The following SHANK2 variants were observed in gnomAD, a reference collection of about 807,000 sequenced individuals.
The protein encoded by SHANK2 is SH3 and multiple ankyrin repeat domains protein 2.
A neutral mutation model predicts 133.7 loss-of-function variants in SHANK2; 43 were observed. That is an observed-to-expected ratio of 0.32 (90% CI 0.25 to 0.41). The LOEUF (loss-of-function observed/expected upper bound fraction) is 0.41. SHANK2 is among the 10% of genes least tolerant of loss of function. The probability of loss-of-function intolerance (pLI) is 1.00; values close to 1 mark genes in which losing one functional copy is unlikely to be tolerated. For missense variants in SHANK2, 1,994 were observed against 2,235.8 expected (o/e 0.89, Z 2.18); for synonymous variants, 1,017 against 952.8 (o/e 1.07, Z -1.24).
chr11:70,817,205 T>C (rs777177041), intron 12 of SHANK2, among the ~76,000 whole-genome samples: 1 of 152,148 alleles, frequency 6.6e-6, no homozygotes, highest in Non-Finnish European at 1.5e-5. Flanking sequence ...TGCTGTCCCA[T>C]AGGAGGGGAC....
chr11:70,947,014 C>T lies in SHANK2; in HGVS notation c.1108-50447G>A, dbSNP rs1028374367. ...AGGCTCAACCTCCCTCTCCGCTAAC[C>T]AACCCTTCCCAGGCTCAACCTCCCT... On this transcript the variant is annotated intron_variant, in intron 10 of 25. Transcript: ENST00000601538. Among the ~76,000 whole-genome samples the T allele has an allele frequency of 2.0e-5, 3 of 151,826 alleles. No homozygotes were observed. The East Asian group carries it at 5.8e-4, about 29-fold the overall frequency.
chr11:70,622,298 A>G (rs934311036), intron 17 of SHANK2, among the ~76,000 whole-genome samples: 1 of 152,124 alleles, frequency 6.6e-6, no homozygotes, highest in Non-Finnish European at 1.5e-5. Context: ...GGAAGAGCCC[A>G]GGACTCAACT....
intron 14 of SHANK2, among the ~76,000 whole-genome samples, chr11:70,759,532 G>C (rs1183214981): frequency 6.6e-6 from 1 of 152,148 alleles, no homozygotes; most frequent in African/African-American, 2.4e-5. Context: ...GATGGGACAG[G>C]AGGTTGGGCA....
chr11:71,210,210 GTATATA>G (rs71049962), intron 2 of SHANK2, among the ~76,000 whole-genome samples: 3,300 of 53,754 alleles, frequency 0.061, 131 homozygotes, highest in Non-Finnish European at 0.072. Flanking sequence ...AAATCCACAG[GTATATA>G]TATATATATA....
At chr11:71,083,376 G>A (rs966594821) in intron 8 of SHANK2, among the ~76,000 whole-genome samples, 9 of 152,136 alleles carry the variant, frequency 5.9e-5, no homozygotes, top group East Asian at 3.8e-4. Flanking sequence ...GGTCTATGCC[G>A]GGCACTGCAG....
intron 10 of SHANK2, among the ~76,000 whole-genome samples, chr11:70,930,660 TTTTTTTTTTC>T (rs1214033914): frequency 7.3e-5 from 8 of 110,308 alleles, no homozygotes; most frequent in African/African-American, 1.3e-4. Flanking sequence ...TTTCTTTGTC[TTTTTTTTTTC>T]TTTTTTTTTT....
chr11:71,099,203 A>C (rs1049375056), intron 6 of SHANK2, among the ~76,000 whole-genome samples: 11 of 152,132 alleles, frequency 7.2e-5, no homozygotes, highest in Middle Eastern at 6.8e-3. Context: ...CAGGGAGACG[A>C]ATGAGGGAAT....
At chr11:71,176,405 G>A (rs75482870) in intron 2 of SHANK2, among the ~76,000 whole-genome samples, 3 of 152,248 alleles carry the variant, frequency 2.0e-5, no homozygotes, top group Non-Finnish European at 2.9e-5. Flanking sequence ...GACCCATAAT[G>A]AGGAAAATAA....
At chr11:70,798,806 A>G (rs1947978428) in intron 13 of SHANK2, among the ~76,000 whole-genome samples, 1 of 152,200 alleles carries the variant, frequency 6.6e-6, no homozygotes, top group Non-Finnish European at 1.5e-5. Context: ...AAGCACTGAC[A>G]TGTTTGCATC....
intron 11 of SHANK2, among the ~76,000 whole-genome samples, chr11:70,837,300 C>G (rs1948833989): frequency 6.6e-6 from 1 of 152,176 alleles, no homozygotes; most frequent in South Asian, 2.1e-4. Context: ...GATGCTCCCT[C>G]ACCCACACGG....
chr11:71,159,958 G>A (rs1590972463), intron 2 of SHANK2, among the ~76,000 whole-genome samples: 1 of 135,232 alleles, frequency 7.4e-6, no homozygotes, highest in East Asian at 2.1e-4. Flanking sequence ...CTGCACTCCA[G>A]CCTGGGTGGC....
chr11:70,491,459 A>G (rs1565534136), intron 22 of SHANK2, among the ~76,000 whole-genome samples: 1 of 152,204 alleles, frequency 6.6e-6, no homozygotes, highest in Non-Finnish European at 1.5e-5. Flanking sequence ...TTCAGAGGTG[A>G]TGGGAGGAGG....
intron 14 of SHANK2, among the ~76,000 whole-genome samples, chr11:70,797,928 G>A (rs1158473981): frequency 8.0e-5 from 12 of 150,004 alleles, no homozygotes; most frequent in East Asian, 3.9e-4. Context: ...TCAATCTCTC[G>A]GCAATCAATT....
intron 17 of SHANK2, among the ~76,000 whole-genome samples, chr11:70,624,785 C>T (rs1353589233): frequency 6.6e-6 from 1 of 152,168 alleles, no homozygotes; most frequent in Non-Finnish European, 1.5e-5. Flanking sequence ...CTGCTAGAAA[C>T]GTCCCCGGTG....
intron 14 of SHANK2, among the ~76,000 whole-genome samples, chr11:70,794,024 T>C (rs1947853732): frequency 6.6e-6 from 1 of 152,220 alleles, no homozygotes; most frequent in Admixed American, 6.5e-5. Context: ...ATCATGCCTG[T>C]AATCCCAGCA....
At chr11:70,688,055 GC>G (rs1438528727) in intron 15 of SHANK2, among the ~76,000 whole-genome samples, 4 of 152,194 alleles carry the variant, frequency 2.6e-5, no homozygotes, top group Non-Finnish European at 4.4e-5. Flanking sequence ...TTCCTGCCTG[GC>G]CCCACAGAAA....
At chr11:70,895,228 G>A (rs981110846) in intron 11 of SHANK2, among the ~76,000 whole-genome samples, 7 of 152,286 alleles carry the variant, frequency 4.6e-5, no homozygotes, top group African/African-American at 9.6e-5. Flanking sequence ...GGTAGGTACC[G>A]GCCGTGGTTG....
intron 11 of SHANK2, among the ~76,000 whole-genome samples, chr11:70,880,003 C>T (rs1949634035): frequency 6.6e-6 from 1 of 152,230 alleles, no homozygotes; most frequent in South Asian, 2.1e-4. Context: ...CTGTGCTGTG[C>T]TGTGGCCCAC....
chr11:70,747,837 G>A (rs561247093), intron 14 of SHANK2, among the ~76,000 whole-genome samples: 13 of 152,304 alleles, frequency 8.5e-5, no homozygotes, highest in African/African-American at 1.9e-4. Flanking sequence ...CATGCTGCAC[G>A]GTGCATGTAT....
Sources: gnomAD v4.1 joint callset for allele counts (sites outside exome capture counted in the v4.1 genomes callset) on GRCh38, gnomAD v4.1.1 for gene constraint, MANE v1.5 for transcripts, NCBI Gene and HGNC (gene_info 2026-07-23, HGNC 2026-07-21) for gene names.